Variants in ARHGAP28 observed in about 807,000 individuals in gnomAD.
ARHGAP28 encodes Rho GTPase activating protein 28.
Under a neutral mutation model 90.7 loss-of-function variants are expected in ARHGAP28, and 56 were observed. The ratio of observed to expected loss-of-function variants is 0.62; its 90% CI spans 0.50 to 0.77. The LOEUF (loss-of-function observed/expected upper bound fraction) is 0.77. Ranked by LOEUF, ARHGAP28 falls within the 30% of genes least tolerant of loss-of-function variation. The pLI, the probability that ARHGAP28 is intolerant of heterozygous loss-of-function variation, is 0.00. For missense variants in ARHGAP28, 869 were observed against 900.9 expected (o/e 0.96, Z 0.45); for synonymous variants, 308 against 323.3 (o/e 0.95, Z 0.51).
intron 1 of ARHGAP28, 43 bp downstream of exon 1, chr18:6,729,986 G>C: frequency 7.7e-7 from 1 of 1,305,202 alleles, no homozygotes; most frequent in Non-Finnish European, 9.7e-7. Context: ...GTCGCGCTGG[G>C]CTTGGGGGGT....
chr18:6,854,865 T>A (rs1322131240), intron 4 of ARHGAP28, among the ~76,000 whole-genome samples: 1 of 152,062 alleles, frequency 6.6e-6, no homozygotes, highest in African/African-American at 2.4e-5. Flanking sequence ...CTCCCTGGCC[T>A]CTCCCCGCTC....
intron 5 of ARHGAP28, among the ~76,000 whole-genome samples, chr18:6,865,432 T>C (rs2057031059): frequency 6.6e-6 from 1 of 152,204 alleles, no homozygotes; most frequent in Admixed American, 6.5e-5. Flanking sequence ...TCTGGCACAG[T>C]GTTTTTTGCA....
chr18:6,738,992 A>G (rs1450501052), intron 1 of ARHGAP28, among the ~76,000 whole-genome samples: 7 of 152,168 alleles, frequency 4.6e-5, no homozygotes, highest in Non-Finnish European at 7.3e-5. Flanking sequence ...AGAGCTTACA[A>G]ATGAGGCAAG....
intron 1 of ARHGAP28, among the ~76,000 whole-genome samples, chr18:6,734,801 G>A (rs1461156011): frequency 6.6e-6 from 1 of 152,090 alleles, no homozygotes; most frequent in African/African-American, 2.4e-5. Context: ...TTTCTTGAGA[G>A]GATTCAAAAA....
intron 1 of ARHGAP28, among the ~76,000 whole-genome samples, chr18:6,785,105 A>G (rs2056355762): frequency 6.6e-6 from 1 of 152,160 alleles, no homozygotes; most frequent in African/African-American, 2.4e-5. Flanking sequence ...TAAAACACCT[A>G]AATCCCTCTT....
At chr18:6,826,999 TG>T (rs1465142400) in intron 2 of ARHGAP28, among the ~76,000 whole-genome samples, 3 of 152,138 alleles carry the variant, frequency 2.0e-5, no homozygotes, top group Non-Finnish European at 4.4e-5. Flanking sequence ...AGCACAGGGT[TG>T]GGGGTAAGGT....
chr18:6,814,861 T>G (rs546534577), intron 1 of ARHGAP28, among the ~76,000 whole-genome samples: 3 of 152,220 alleles, frequency 2.0e-5, no homozygotes, highest in African/African-American at 7.2e-5. Flanking sequence ...AACCTAGAGT[T>G]CACCAAGACT....
At chr18:6,852,073 A>G (rs1387177794) in intron 4 of ARHGAP28, among the ~76,000 whole-genome samples, 1 of 152,214 alleles carries the variant, frequency 6.6e-6, no homozygotes, top group Non-Finnish European at 1.5e-5. Flanking sequence ...GTATATCTCA[A>G]TAATCCTGTT....
At chr18:6,839,304 T>TTG (rs1555631094) in intron 3 of ARHGAP28, among the ~76,000 whole-genome samples, 1 of 150,732 alleles carries the variant, frequency 6.6e-6, no homozygotes, top group Non-Finnish European at 1.5e-5. Context: ...TTTTTTTTTT[T>TTG]TTTTTTTGAG....
chr18:6,741,531 A>G (rs1156785382), intron 1 of ARHGAP28, among the ~76,000 whole-genome samples: 2 of 152,212 alleles, frequency 1.3e-5, no homozygotes, highest in African/African-American at 4.8e-5. Context: ...GTCATTGCTT[A>G]TAAGAAGCCC....
intron 1 of ARHGAP28, 135 bp downstream of exon 1, chr18:6,730,078 T>C (rs1302964765): frequency 1.5e-5 from 14 of 919,960 alleles, no homozygotes; most frequent in Non-Finnish European, 1.5e-5. Context: ...ACTAGATGAG[T>C]GAGCCTGGGG....
intron 1 of ARHGAP28, among the ~76,000 whole-genome samples, chr18:6,760,259 G>GTT (rs2056148407): frequency 6.6e-6 from 1 of 152,060 alleles, no homozygotes; most frequent in Non-Finnish European, 1.5e-5. Context: ...TAAAAAAATT[G>GTT]TAAGTTTCTG....
intron 1 of ARHGAP28, among the ~76,000 whole-genome samples, chr18:6,769,764 T>G (rs1050236844): frequency 6.6e-6 from 1 of 152,358 alleles, no homozygotes; most frequent in Non-Finnish European, 1.5e-5. Context: ...TCTATGTCTA[T>G]CTTCGTAGTT....
rs549851934 is a variant in ARHGAP28 at position 6,817,955 on chromosome 18, G to A, written c.123-6807G>A. On this transcript the variant is annotated intron_variant, in intron 1 of 17. Transcript: ENST00000383472. ...TTTTATTTATCTCATGATATCTCTA[G>A]GGACATTTTTATGTACTTGTTATAT... Among the ~76,000 whole-genome samples the A allele has an allele frequency of 2.0e-5, 3 of 152,250 alleles. No individual in the cohort carries two copies. In the East Asian group the frequency reaches 5.8e-4, roughly 29 times the overall value.
intron 16 of ARHGAP28, among the ~76,000 whole-genome samples, chr18:6,900,219 A>T (rs573700973): frequency 6.6e-6 from 1 of 152,170 alleles, no homozygotes; most frequent in Non-Finnish European, 1.5e-5. Context: ...TGAAAATTAA[A>T]TAAGCCCCAG....
intron 10 of ARHGAP28, 115 bp from the exon 11 acceptor site, chr18:6,882,022 A>AT: frequency 1.1e-6 from 1 of 942,552 alleles, no homozygotes; most frequent in Admixed American, 2.9e-5. Context: ...CTTGGTAGAC[A>AT]TTACCTTACC....
At chr18:6,738,637 ATTGGATTTATT>A (rs1408397356) in intron 1 of ARHGAP28, among the ~76,000 whole-genome samples, 12 of 152,188 alleles carry the variant, frequency 7.9e-5, no homozygotes, top group Non-Finnish European at 1.3e-4. Context: ...ATACTGTGAT[ATTGGATTTATT>A]TCTTTTCTCT....
chr18:6,885,802 GT>G (rs11415807), intron 11 of ARHGAP28, among the ~76,000 whole-genome samples: 375 of 141,686 alleles, frequency 2.6e-3, no homozygotes, highest in South Asian at 0.013. Context: ...CCCCAGAGTT[GT>G]TTTTTTTTTT....
chr18:6,873,631 T>C (rs1191838999), intron 8 of ARHGAP28, 53 bp from the exon 9 acceptor site: 2 of 1,607,932 alleles, frequency 1.2e-6, no homozygotes, highest in Admixed American at 1.7e-5. Flanking sequence ...TGGAATAAGA[T>C]AATGCTTTTC....
Sources: gnomAD v4.1 joint callset for allele counts (sites outside exome capture counted in the v4.1 genomes callset) on GRCh38, gnomAD v4.1.1 for gene constraint, MANE v1.5 for transcripts, NCBI Gene and HGNC (gene_info 2026-07-23, HGNC 2026-07-21) for gene names.